Variants in GMEB1 observed in about 807,000 individuals in gnomAD.
GMEB1 encodes the protein glucocorticoid modulatory element-binding protein 1.
In GMEB1, 6 loss-of-function variants were observed where a neutral mutation model predicts 52.4. The observed-to-expected ratio is 0.11, with a 90% CI of 0.06 to 0.23. The LOEUF is 0.23. Among genes scored for constraint, GMEB1 ranks in the 10% least tolerant of loss-of-function variants. The pLI is 1.00. For missense variants in GMEB1, 486 were observed against 685.6 expected (o/e 0.71, Z 3.25); for synonymous variants, 255 against 244.9 (o/e 1.04, Z -0.38).
intron 2 of GMEB1, among the ~76,000 whole-genome samples, chr1:28,687,997 T>G (rs989490632): frequency 1.3e-5 from 2 of 152,026 alleles, no homozygotes; most frequent in African/African-American, 4.8e-5. Flanking sequence ...CCAAATGTAT[T>G]TATTTGGCTG....
chr1:28,714,634 C>G lies in GMEB1; in HGVS notation c.1553C>G (p.Pro518Arg). 1.2e-6 allele frequency: 2 copies of G among 1,614,022 alleles called. No individual in the cohort carries two copies. Among genetic ancestry groups the G allele is most frequent in the South Asian group, 2.2e-5 (2 of 91,074 alleles). The change falls in exon 10 of 10, where the codon CCG becomes CGG. Residue 518 changes from proline (P) to arginine (R), a missense_variant. Physicochemically the swap from Pro to Arg is moderately radical, Grantham distance 103. Coordinates refer to ENST00000373816, the MANE Select transcript of GMEB1 (RefSeq NM_001319674.2). ...GQTIIEIDPA[P>R]DPEAEDTEGK... The stretch of plus-strand genomic sequence containing the variant: ...ACCATCATTGAGATTGATCCAGCCC[C>G]GGACCCAGAAGCTGAAGATACTGAG...
Position 28,714,062 on chromosome 1 carries a change from T to G in GMEB1, c.992-11T>G. On this transcript the variant is annotated splice_polypyrimidine_tract_variant and intron_variant, in intron 9 of 9. Transcript: ENST00000373816. ...TTCCCTCTACACAAAGTCTTTTCTT[T>G]TTTTCCATAGACTTGGAACGCCAGT... is the stretch of plus-strand genomic sequence containing the variant. The G allele has an allele frequency of 6.3e-7, 1 of 1,594,132 alleles. No homozygotes were observed. Among genetic ancestry groups the G allele is most frequent in the Non-Finnish European group, 8.6e-7 (1 of 1,166,878 alleles).
chr1:28,683,526 G>A (rs1669492787), intron 1 of GMEB1, 57 bp from the exon 2 acceptor site: 1 of 1,415,442 alleles, frequency 7.1e-7, no homozygotes, highest in Non-Finnish European at 9.6e-7. Context: ...ACCATGCCCG[G>A]CCTGTTGACA....
intron 5 of GMEB1, among the ~76,000 whole-genome samples, chr1:28,693,453 A>G (rs1466756189): frequency 2.0e-5 from 3 of 151,852 alleles, no homozygotes; most frequent in Non-Finnish European, 4.4e-5. Context: ...TCGTGACCTC[A>G]TGATCCACCC....
At chr1:28,695,958 AAAAAAAAAAAAAAAAAT>A (rs1670186248) in intron 5 of GMEB1, among the ~76,000 whole-genome samples, 1 of 149,252 alleles carries the variant, frequency 6.7e-6, no homozygotes, top group African/African-American at 2.5e-5. Context: ...AAAAAAAAAA[AAAAAAAAAAAAAAAAAT>A]TTTCAGATGA....
intron 9 of GMEB1, 103 bp downstream of exon 9, chr1:28,710,745 A>G: frequency 4.2e-6 from 3 of 720,638 alleles, no homozygotes; most frequent in Non-Finnish European, 6.0e-6. Flanking sequence ...TTTTTTAAAT[A>G]GTATCAGATT....
intron 2 of GMEB1, among the ~76,000 whole-genome samples, chr1:28,684,073 A>G (rs1282549986): frequency 6.6e-6 from 1 of 152,034 alleles, no homozygotes; most frequent in Non-Finnish European, 1.5e-5. Context: ...GTGCGATCAT[A>G]GCTCACTGCA....
At chr1:28,689,360 C>G (rs113361909) in intron 2 of GMEB1, among the ~76,000 whole-genome samples, 9 of 152,014 alleles carry the variant, frequency 5.9e-5, no homozygotes, top group African/African-American at 1.9e-4. Flanking sequence ...GGTGCGGTGG[C>G]TCATGCCTGT....
chr1:28,711,429 T>C (rs1384061712), intron 9 of GMEB1, among the ~76,000 whole-genome samples: 2 of 152,204 alleles, frequency 1.3e-5, no homozygotes, highest in Non-Finnish European at 2.9e-5. Context: ...TCTGCTTTTT[T>C]TCACCATGAC....
At chr1:28,678,368 G>A (rs1461940729) in intron 1 of GMEB1, among the ~76,000 whole-genome samples, 1 of 152,056 alleles carries the variant, frequency 6.6e-6, no homozygotes, top group Non-Finnish European at 1.5e-5. Flanking sequence ...CTGGAGTGCA[G>A]TGGCGCAATC....
At chr1:28,712,159 G>A (rs74453573) in intron 9 of GMEB1, among the ~76,000 whole-genome samples, 2,146 of 152,190 alleles carry the variant, frequency 0.014, 47 homozygotes, top group African/African-American at 0.049. Context: ...AATGTTTATT[G>A]GGTTTATTAT....
At chr1:28,705,387 C>G (rs539467673) in intron 8 of GMEB1, among the ~76,000 whole-genome samples, 68 of 150,708 alleles carry the variant, frequency 4.5e-4, no homozygotes, top group Non-Finnish European at 8.0e-4. Context: ...GAGAACAAGA[C>G]TCCATCTAAA....
intron 7 of GMEB1, 137 bp downstream of exon 7, chr1:28,702,706 A>G: frequency 1.5e-6 from 1 of 682,526 alleles, no homozygotes; most frequent in Non-Finnish European, 2.4e-6. Context: ...AGCTACAAAC[A>G]TCCTACTTTA....
intron 6 of GMEB1, among the ~76,000 whole-genome samples, chr1:28,697,808 T>C (rs992350267): frequency 1.3e-5 from 2 of 151,880 alleles, no homozygotes; most frequent in Non-Finnish European, 2.9e-5. Flanking sequence ...ACGCCTGTAA[T>C]CCCAGCACTT....
intron 5 of GMEB1, among the ~76,000 whole-genome samples, chr1:28,695,155 CAG>C (rs923955186): frequency 4.0e-5 from 6 of 151,726 alleles, no homozygotes; most frequent in Admixed American, 2.6e-4. Context: ...TTAGTAGAGA[CAG>C]GGTTTCACCA....
intron 5 of GMEB1, 60 bp downstream of exon 5, chr1:28,693,105 G>T (rs953373783): frequency 1.4e-6 from 1 of 738,078 alleles, no homozygotes; most frequent in African/African-American, 1.8e-5. Context: ...AATCATGCTA[G>T]AATCTGGGCT....
chr1:28,711,301 A>AG lies in GMEB1; in HGVS notation c.991+659_991+660insG. The stretch of plus-strand genomic sequence containing the variant: ...GACTCTGTCTCAAAAAAAAAAAAAG[A>AG]AAAAAAAACCTTTAAACCGTCAGAA... On this transcript the variant is annotated intron_variant, in intron 9 of 9. Coordinates refer to ENST00000373816, the MANE Select transcript of GMEB1 (RefSeq NM_001319674.2). 5.1e-5 allele frequency among the ~76,000 whole-genome samples: 3 copies of AG among 59,202 alleles called. No individual in the cohort carries two copies. In the South Asian group the frequency reaches 3.4e-3, roughly 67 times the overall value. 38.8% of individuals were successfully genotyped at this position (59,202 alleles called of 152,430 possible). A position where few individuals can be genotyped will look rare whatever the true frequency, so the allele number is the denominator to read the frequency against.
At position 28,717,192 on chromosome 1, in the gene GMEB1, T is replaced by G. The variant is rs377198041; in HGVS notation, c.*2419T>G. 18 of 151,526 alleles carry G rather than the reference T, an allele frequency of 1.2e-4. No homozygotes were observed. Among genetic ancestry groups the G allele is most frequent in the African/African-American group, 4.3e-4 (18 of 41,440 alleles). The allele number at this position is 151,526 out of a possible 1,614,324, so 9.4% of individuals were successfully genotyped here. A position where few individuals can be genotyped will look rare whatever the true frequency, so the allele number is the denominator to read the frequency against. On this transcript the variant is annotated 3_prime_UTR_variant, in exon 10 of 10. Coordinates refer to ENST00000373816, the MANE Select transcript of GMEB1 (RefSeq NM_001319674.2). ...TAACATGGTAAGGTTGCTGTTTTTT[T>G]TTTTTTTTTCTTTTTGAGATGGAGT...
At chr1:28,672,321 C>T (rs1272133511) in intron 1 of GMEB1, among the ~76,000 whole-genome samples, 9 of 149,486 alleles carry the variant, frequency 6.0e-5, no homozygotes, top group Non-Finnish European at 1.5e-5. Context: ...CCCGGGTTCA[C>T]GCCATTCTCC....
Sources: allele counts gnomAD v4.1 joint callset (sites outside exome capture counted in the v4.1 genomes callset), GRCh38; gene constraint gnomAD v4.1.1; transcripts MANE v1.5; gene names NCBI Gene and HGNC (gene_info 2026-07-23, HGNC 2026-07-21).